Variants in ADAM18 observed in about 807,000 individuals in gnomAD.
ADAM18 encodes the protein ADAM metallopeptidase domain 18.
Under a neutral mutation model 94.4 loss-of-function variants are expected in ADAM18, and 117 were observed. That is an observed-to-expected ratio of 1.24 (90% confidence interval 1.07 to 1.45). The LOEUF is 1.45. Among genes scored for constraint, ADAM18 ranks in the 40% most tolerant of loss-of-function variants. The pLI, the probability that ADAM18 is intolerant of heterozygous loss-of-function variation, is 0.00. For missense variants in ADAM18, 936 were observed against 880.0 expected (o/e 1.06, Z -0.81); for synonymous variants, 327 against 291.6 (o/e 1.12, Z -1.24).
chr8:39,618,932 G>A (rs1408608551), intron 6 of ADAM18, among the ~76,000 whole-genome samples: 1 of 152,156 alleles, frequency 6.6e-6, no homozygotes, highest in African/African-American at 2.4e-5. Context: ...GCACAATCCT[G>A]CATACAACTT....
At chr8:39,713,106 A>C (rs1162746331) in intron 18 of ADAM18, among the ~76,000 whole-genome samples, 1 of 152,200 alleles carries the variant, frequency 6.6e-6, no homozygotes, top group Non-Finnish European at 1.5e-5. Context: ...AGACCAATGG[A>C]ACACAACAGA....
At chr8:39,591,524 C>T (rs1358509322) in intron 2 of ADAM18, among the ~76,000 whole-genome samples, 11 of 152,144 alleles carry the variant, frequency 7.2e-5, no homozygotes, top group African/African-American at 1.4e-4. Flanking sequence ...AACTCCTCAT[C>T]GATTCAAGTT....
At position 39,621,668 on chromosome 8, in the gene ADAM18, A is replaced by G. The variant is rs139068518; in HGVS notation, c.523-7706A>G. ...TAAAGTCACAATAGTAATGACATGG[A>G]ATCAACCTAAATGCCCATCAGTAAT... On this transcript the variant is annotated intron_variant, in intron 6 of 19. Transcript: ENST00000265707. 4.0e-4 allele frequency among the ~76,000 whole-genome samples: 61 copies of G among 152,280 alleles called. 2 individuals carry two copies. The East Asian group carries it at 0.012, about 29-fold the overall frequency.
At chr8:39,716,281 G>C (rs1822575509) in intron 18 of ADAM18, among the ~76,000 whole-genome samples, 1 of 151,804 alleles carries the variant, frequency 6.6e-6, no homozygotes, top group African/African-American at 2.4e-5. Flanking sequence ...GAAGGGTAAT[G>C]TTAGGTTGTT....
intron 2 of ADAM18, among the ~76,000 whole-genome samples, chr8:39,606,024 A>G (rs1376565508): frequency 1.3e-5 from 2 of 152,170 alleles, no homozygotes; most frequent in Non-Finnish European, 2.9e-5. Context: ...GTCACTGCAA[A>G]TGCCATTAAT....
intron 6 of ADAM18, among the ~76,000 whole-genome samples, chr8:39,619,319 C>G (rs534589748): frequency 5.3e-5 from 8 of 152,070 alleles, no homozygotes; most frequent in Non-Finnish European, 1.0e-4. Flanking sequence ...TAAAAGCGAC[C>G]GAATGGACAT....
intron 14 of ADAM18, among the ~76,000 whole-genome samples, chr8:39,675,871 A>G (rs1440645220): frequency 6.6e-6 from 1 of 152,088 alleles, no homozygotes; most frequent in Non-Finnish European, 1.5e-5. Context: ...TTTTCCTTCT[A>G]ATGGTCAGGT....
At chr8:39,637,057 A>G (rs977954866) in intron 7 of ADAM18, among the ~76,000 whole-genome samples, 25 of 141,824 alleles carry the variant, frequency 1.8e-4, no homozygotes, top group African/African-American at 2.4e-4. Context: ...ATATATATAT[A>G]TATATATATG....
chr8:39,719,381 A>C (rs1822681674), intron 18 of ADAM18, among the ~76,000 whole-genome samples: 1 of 151,402 alleles, frequency 6.6e-6, no homozygotes, highest in Admixed American at 6.6e-5. Context: ...AGAAGAAAAC[A>C]TAAGAGAAAT....
chr8:39,637,237 T>C (rs773790687), intron 7 of ADAM18, 27 bp from the exon 8 acceptor site: 3 of 1,497,194 alleles, frequency 2.0e-6, no homozygotes, highest in Non-Finnish European at 2.7e-6. Context: ...AATAATACTT[T>C]CATGAAAAAT....
At chr8:39,697,656 A>G (rs1821963234) in intron 17 of ADAM18, among the ~76,000 whole-genome samples, 1 of 151,554 alleles carries the variant, frequency 6.6e-6, no homozygotes, top group South Asian at 2.1e-4. Context: ...TTCTGTGTTT[A>G]TTTCTGTTAA....
chr8:39,721,777 A>G (rs951707320), intron 18 of ADAM18, among the ~76,000 whole-genome samples: 3 of 151,590 alleles, frequency 2.0e-5, no homozygotes, highest in African/African-American at 7.2e-5. Context: ...GATGTGGAGA[A>G]AAGGGAACAC....
intron 6 of ADAM18, among the ~76,000 whole-genome samples, chr8:39,621,309 TC>T (rs1214841100): frequency 7.8e-6 from 1 of 128,856 alleles, no homozygotes; most frequent in Non-Finnish European, 1.7e-5. Context: ...CATGACAAAA[TC>T]ACACACACAC....
chr8:39,680,407 T>C (rs1343677514), intron 16 of ADAM18, among the ~76,000 whole-genome samples, 181 bp downstream of exon 16: 1 of 152,216 alleles, frequency 6.6e-6, no homozygotes, highest in Non-Finnish European at 1.5e-5. Context: ...ACATTGCTTT[T>C]TGGATTAAAA....
At chr8:39,637,734 AT>A in intron 9 of ADAM18, 31 bp downstream of exon 9, 1 of 1,465,458 alleles carries the variant, frequency 6.8e-7, no homozygotes, top group Non-Finnish European at 9.1e-7. Context: ...TAATAAAGAT[AT>A]CTGCATAATT....
At chr8:39,630,149 G>A (rs1013654912) in intron 7 of ADAM18, among the ~76,000 whole-genome samples, 1 of 151,456 alleles carries the variant, frequency 6.6e-6, no homozygotes, top group African/African-American at 2.4e-5. Flanking sequence ...TATATTTTTT[G>A]TTTATTATTC....
At chr8:39,586,800 CTAT>C (rs1563263608) in intron 2 of ADAM18, among the ~76,000 whole-genome samples, 3 of 120,270 alleles carry the variant, frequency 2.5e-5, no homozygotes, top group East Asian at 2.2e-4. Flanking sequence ...ATCTATCTAT[CTAT>C]ATCTATCTAT....
At chr8:39,652,415 A>G (rs2129579719) in intron 12 of ADAM18, among the ~76,000 whole-genome samples, 1 of 152,154 alleles carries the variant, frequency 6.6e-6, no homozygotes, top group East Asian at 1.9e-4. Context: ...AATAAGACAA[A>G]CAAATGGACA....
In ADAM18 at chr8:39,637,687, A is replaced by G; in HGVS notation, c.811A>G (p.Ile271Val). The G allele has an allele frequency of 6.2e-7, 1 of 1,605,634 alleles. No homozygotes were observed. The highest frequency in any genetic ancestry group is 1.1e-5 in the South Asian group (1 of 89,582). ...CTATCTCATCCTACGGCCCCATGAC[A>G]TAGCATACTTACTTGTGTAAGCACA... ...RDYLILRPHD[I>V]AYLLVYRKHP... The change falls in exon 9 of 20, where the codon ATA becomes GTA. Residue 271 changes from isoleucine (I) to valine (V), a missense_variant. By Grantham distance (29) the Ile-to-Val change is conservative (BLOSUM62 3). Coordinates refer to ENST00000265707, the MANE Select transcript of ADAM18 (RefSeq NM_014237.3).
Sources: gnomAD v4.1 joint callset for allele counts (sites outside exome capture counted in the v4.1 genomes callset) on GRCh38, gnomAD v4.1.1 for gene constraint, MANE v1.5 for transcripts, NCBI Gene and HGNC (gene_info 2026-07-23, HGNC 2026-07-21) for gene names.